Variants in FSTL5 observed in about 807,000 individuals in gnomAD.
FSTL5 encodes follistatin like 5.
In FSTL5, 62 loss-of-function variants were observed where a neutral mutation model predicts 89.1. That is an observed-to-expected ratio of 0.70 (90% CI 0.57 to 0.86). The LOEUF is 0.86. Among genes scored for constraint, FSTL5 ranks in the 40% least tolerant of loss-of-function variants. The pLI, the probability that FSTL5 is intolerant of heterozygous loss-of-function variation, is 0.00. For synonymous variants in FSTL5, 383 were observed against 346.2 expected, an observed-to-expected ratio of 1.11 and a Z score of -1.18; for missense variants, 1,057 against 1,001.6, an observed-to-expected ratio of 1.06 and a Z score of -0.75.
chr4:161,865,441 A>G (rs1732053424), intron 4 of FSTL5, among the ~76,000 whole-genome samples: 1 of 152,212 alleles, frequency 6.6e-6, no homozygotes. Context: ...AAAAGTAAAT[A>G]TAAACATACA....
intron 3 of FSTL5, among the ~76,000 whole-genome samples, chr4:162,010,573 C>T (rs1470157050): frequency 1.3e-5 from 2 of 152,160 alleles, no homozygotes; most frequent in African/African-American, 4.8e-5. Flanking sequence ...AACTCTACAC[C>T]CATTAGCAGT....
chr4:162,030,234 T>C (rs971591959), intron 3 of FSTL5, among the ~76,000 whole-genome samples: 1 of 152,102 alleles, frequency 6.6e-6, no homozygotes, highest in South Asian at 2.1e-4. Context: ...TTATATACTT[T>C]GGATATGATT....
At chr4:162,141,795 G>C (rs1732756983) in intron 1 of FSTL5, among the ~76,000 whole-genome samples, 2 of 152,070 alleles carry the variant, frequency 1.3e-5, no homozygotes, top group South Asian at 4.1e-4. Flanking sequence ...AAGTGTGGAA[G>C]TACAGAGAGA....
chr4:161,567,256 TTAGA>T (rs1287363378), intron 8 of FSTL5, among the ~76,000 whole-genome samples: 5 of 152,086 alleles, frequency 3.3e-5, no homozygotes, highest in African/African-American at 1.2e-4. Flanking sequence ...GAGAAAGAGA[TTAGA>T]TAAATTCATT....
intron 3 of FSTL5, among the ~76,000 whole-genome samples, chr4:161,934,281 G>A (rs567127223): frequency 2.0e-5 from 3 of 152,162 alleles, no homozygotes; most frequent in African/African-American, 7.2e-5. Flanking sequence ...ATTTATTATA[G>A]ACAATTGGAA....
At chr4:162,153,694 T>TGGATATTATATATGTATATAATA (rs1318532786) in intron 1 of FSTL5, among the ~76,000 whole-genome samples, 1 of 124,742 alleles carries the variant, frequency 8.0e-6, no homozygotes. Context: ...TATAATAATA[T>TGGATATTATATATGTATATAATA]ATATGTATAT....
rs1232453830 is a variant in FSTL5, at chr4:161,992,955, T to TAC, written c.160+40669_160+40670insGT. ...GTATATATATATGTGTGTATATCTA[T>TAC]ATATATATGTGTGTATATATATATA... On this transcript the variant is annotated intron_variant, in intron 3 of 15. Transcript: ENST00000306100. Among the ~76,000 whole-genome samples, 93 of 128,176 alleles carry TAC rather than the reference T, an allele frequency of 7.3e-4. 2 individuals carry two copies. Among genetic ancestry groups the TAC allele is most frequent in the African/African-American group, 2.6e-3 (90 of 34,748 alleles). The allele number at this position is 128,176 out of a possible 152,430, so 84.1% of individuals were successfully genotyped here. A position where few individuals can be genotyped will look rare whatever the true frequency, so the allele number is the denominator to read the frequency against.
chr4:162,055,092 G>A (rs540019042), intron 2 of FSTL5, among the ~76,000 whole-genome samples: 1 of 151,768 alleles, frequency 6.6e-6, no homozygotes, highest in East Asian at 1.9e-4. Flanking sequence ...TATAGAAAAG[G>A]GTAAATTTTA....
Position 161,759,516 on chromosome 4 carries a change from C to A in FSTL5, c.622G>T (p.Glu208Ter). ...CAATCAAAGAGATCCTTGCCAAGTT[C>A]TTCCTGTTTTATCACCTAACAAGAA... Reference protein sequence around the residue: ...NELTQVIKQEELGKDLFDCTL... With the variant: ...NELTQVIKQE Residue 208 changes from glutamate (E) to a stop codon, truncating the protein, a stop_gained, in exon 6 of 16, where the codon GAA (glutamate) becomes TAA (stop). Transcript: ENST00000306100. LOFTEE classifies it high-confidence loss of function. The A allele has an allele frequency of 6.4e-7, 1 of 1,558,584 alleles. No homozygotes were observed. Among genetic ancestry groups the A allele is most frequent in the Non-Finnish European group, 8.7e-7 (1 of 1,152,426 alleles).
chr4:161,396,996 G>T (rs1560874541), intron 15 of FSTL5, among the ~76,000 whole-genome samples: 1 of 152,084 alleles, frequency 6.6e-6, no homozygotes, highest in African/African-American at 2.4e-5. Flanking sequence ...CAAATCAAAA[G>T]ATCAGTTACT....
In FSTL5 at chr4:162,141,284, T is replaced by G. The variant is rs1275242454; in HGVS notation, c.-17+22331A>C. On this transcript the variant is annotated intron_variant, in intron 1 of 15. Coordinates refer to ENST00000306100, the MANE Select transcript of FSTL5 (RefSeq NM_020116.5). ...GGCGCGCACCACCATGCCCGGCTAA[T>G]TTTTGTATTTTTAGTAGAGACGGGG... 2.6e-4 allele frequency among the ~76,000 whole-genome samples: 23 copies of G among 89,318 alleles called. 1 individual carries two copies. In the Admixed American group the frequency reaches 2.7e-3, roughly 10 times the overall value. The allele number at this position is 89,318 out of a possible 152,430, so 58.6% of individuals were successfully genotyped here. A position where few individuals can be genotyped will look rare whatever the true frequency, so the allele number is the denominator to read the frequency against.
At chr4:161,917,039 TGCCTCC>T (rs536255018) in intron 4 of FSTL5, among the ~76,000 whole-genome samples, 14 of 152,156 alleles carry the variant, frequency 9.2e-5, no homozygotes, top group Non-Finnish European at 2.1e-4. Context: ...CTGCAACCTC[TGCCTCC>T]TAGGTTCAAC....
At chr4:161,971,200 A>G (rs1021223666) in intron 3 of FSTL5, among the ~76,000 whole-genome samples, 1 of 152,262 alleles carries the variant, frequency 6.6e-6, no homozygotes, top group African/African-American at 2.4e-5. Context: ...TTCTCAAATT[A>G]AACTTTTTAT....
chr4:161,662,654 G>A (rs1736756635), intron 6 of FSTL5, among the ~76,000 whole-genome samples: 1 of 152,068 alleles, frequency 6.6e-6, no homozygotes, highest in African/African-American at 2.4e-5. Context: ...ATCCCAGAAT[G>A]AGAAAACAGA....
intron 6 of FSTL5, among the ~76,000 whole-genome samples, chr4:161,747,438 T>C (rs1348920991): frequency 6.6e-6 from 1 of 152,228 alleles, no homozygotes; most frequent in Non-Finnish European, 1.5e-5. Flanking sequence ...CCTGATTTAC[T>C]TGTTTATTCA....
intron 1 of FSTL5, among the ~76,000 whole-genome samples, chr4:162,126,687 T>G (rs74728951): frequency 0.034 from 5,245 of 152,310 alleles, 149 homozygotes; most frequent in South Asian, 0.1. Flanking sequence ...AACAACTTAT[T>G]TTATATTTAA....
chr4:161,812,616 C>T (rs896183693), intron 4 of FSTL5, among the ~76,000 whole-genome samples: 2 of 152,010 alleles, frequency 1.3e-5, no homozygotes, highest in Admixed American at 6.6e-5. Flanking sequence ...TAGTGTTTGG[C>T]ACATAGGAAG....
chr4:161,739,134 G>C (rs1172177981), intron 6 of FSTL5, among the ~76,000 whole-genome samples: 1 of 152,162 alleles, frequency 6.6e-6, no homozygotes, highest in African/African-American at 2.4e-5. Flanking sequence ...CTCATCCCCA[G>C]TATTTTAGAA....
At chr4:161,522,656 A>G (rs1357184510) in intron 10 of FSTL5, among the ~76,000 whole-genome samples, 1 of 151,608 alleles carries the variant, frequency 6.6e-6, no homozygotes, top group Non-Finnish European at 1.5e-5. Context: ...AGATTTTTAT[A>G]AAATTATAGA....
Sources: allele counts gnomAD v4.1 joint callset (sites outside exome capture counted in the v4.1 genomes callset), GRCh38; gene constraint gnomAD v4.1.1; transcripts MANE v1.5; gene names NCBI Gene and HGNC (gene_info 2026-07-23, HGNC 2026-07-21).